SOX5: variants seen among roughly 807,000 people sequenced by gnomAD.
The protein encoded by SOX5 is transcription factor SOX-5.
Under a neutral mutation model 92.0 loss-of-function variants are expected in SOX5, and 9 were observed. The observed-to-expected ratio is 0.10, with a 90% CI of 0.06 to 0.17. SOX5 has a LOEUF of 0.17. Among genes scored for constraint, SOX5 ranks in the 10% least tolerant of loss-of-function variants. The probability of loss-of-function intolerance (pLI) is 1.00; values close to 1 mark genes in which losing one functional copy is unlikely to be tolerated. For missense variants in SOX5, 642 were observed against 944.5 expected (o/e 0.68, Z 4.20); for synonymous variants, 344 against 336.3 (o/e 1.02, Z -0.25).
chr12:24,493,571 A>T (rs1462278725), intron 1 of SOX5, among the ~76,000 whole-genome samples: 1 of 152,218 alleles, frequency 6.6e-6, no homozygotes, highest in Non-Finnish European at 1.5e-5. Context: ...TCTGAAATAA[A>T]AAGTTTGTTT....
intron 3 of SOX5, among the ~76,000 whole-genome samples, chr12:23,772,124 T>C (rs2094953552): frequency 6.6e-6 from 1 of 152,220 alleles, no homozygotes; most frequent in South Asian, 2.1e-4. Flanking sequence ...TTTTCCTAAA[T>C]ATCTACAAAT....
chr12:24,514,602 G>C (rs943755702), intron 1 of SOX5, among the ~76,000 whole-genome samples: 1 of 152,196 alleles, frequency 6.6e-6, no homozygotes, highest in Non-Finnish European at 1.5e-5. Flanking sequence ...ACACGTGCAT[G>C]TATAAGTTCA....
intron 3 of SOX5, among the ~76,000 whole-genome samples, chr12:23,840,800 T>A (rs1255058236): frequency 6.6e-6 from 1 of 152,096 alleles, no homozygotes; most frequent in Non-Finnish European, 1.5e-5. Flanking sequence ...ACAAATTGAA[T>A]GAATGCAGAC....
At chr12:23,673,761 C>T (rs1040715879) in intron 6 of SOX5, among the ~76,000 whole-genome samples, 8 of 151,728 alleles carry the variant, frequency 5.3e-5, no homozygotes, top group Non-Finnish European at 7.4e-5. Context: ...TACCAAATGT[C>T]GGGAGGGATG....
chr12:23,850,638 G>C (rs559822862), intron 2 of SOX5, among the ~76,000 whole-genome samples: 14 of 151,894 alleles, frequency 9.2e-5, no homozygotes, highest in Admixed American at 3.9e-4. Flanking sequence ...GCCAAATTAG[G>C]AGGTACCAAA....
At chr12:23,939,831 T>C (rs1027617515) in intron 1 of SOX5, among the ~76,000 whole-genome samples, 4 of 151,110 alleles carry the variant, frequency 2.6e-5, no homozygotes, top group African/African-American at 9.7e-5. Flanking sequence ...AATTGCCAAC[T>C]AGCAACTATA....
chr12:23,571,855 G>A (rs1405070734), intron 10 of SOX5, among the ~76,000 whole-genome samples: 1 of 151,940 alleles, frequency 6.6e-6, no homozygotes, highest in Admixed American at 6.6e-5. Flanking sequence ...AGATTATATG[G>A]ATATCTACTC....
intron 4 of SOX5, among the ~76,000 whole-genome samples, chr12:24,018,064 C>G (rs1592374706): frequency 6.6e-6 from 1 of 152,122 alleles, no homozygotes; most frequent in African/African-American, 2.4e-5. Flanking sequence ...TATACACATG[C>G]TCAAATCACT....
intron 3 of SOX5, among the ~76,000 whole-genome samples, chr12:23,837,099 A>T (rs1217670100): frequency 2.0e-5 from 3 of 149,162 alleles, no homozygotes; most frequent in South Asian, 2.1e-4. Flanking sequence ...GACTATTCTC[A>T]GGTCAAATCA....
At chr12:24,055,670 G>A (rs1298688432) in intron 4 of SOX5, among the ~76,000 whole-genome samples, 10 of 152,232 alleles carry the variant, frequency 6.6e-5, no homozygotes, top group African/African-American at 2.4e-4. Context: ...CAAAATAAAT[G>A]GGTGATTCAG....
intron 4 of SOX5, among the ~76,000 whole-genome samples, chr12:24,128,380 G>T (rs367752273): frequency 1.3e-5 from 2 of 152,144 alleles, no homozygotes; most frequent in Non-Finnish European, 2.9e-5. Context: ...GACAACTAGT[G>T]GGGGAGAGAG....
intron 1 of SOX5, among the ~76,000 whole-genome samples, chr12:23,926,976 T>C (rs755769689): frequency 1.3e-5 from 2 of 152,086 alleles, no homozygotes; most frequent in African/African-American, 2.4e-5. Flanking sequence ...TCACAATTCT[T>C]ATTTGTCATG....
At chr12:24,041,517 A>G (rs1956522389) in intron 4 of SOX5, among the ~76,000 whole-genome samples, 1 of 152,178 alleles carries the variant, frequency 6.6e-6, no homozygotes, top group African/African-American at 2.4e-5. Context: ...CAAATTTACA[A>G]TATAATACCA....
chr12:24,033,166 C>T (rs1207735293), intron 4 of SOX5, among the ~76,000 whole-genome samples: 2 of 151,966 alleles, frequency 1.3e-5, no homozygotes, highest in Non-Finnish European at 2.9e-5. Flanking sequence ...AGTAACTTAT[C>T]TTAATTTGTT....
chr12:24,194,153 A>G (rs576057298), intron 4 of SOX5, among the ~76,000 whole-genome samples: 1 of 152,216 alleles, frequency 6.6e-6, no homozygotes, highest in Non-Finnish European at 1.5e-5. Context: ...TACCTGTAAC[A>G]AAGTCAAATG....
chr12:23,652,669 C>T (rs1030749074), intron 7 of SOX5, among the ~76,000 whole-genome samples: 5 of 152,026 alleles, frequency 3.3e-5, no homozygotes, highest in Non-Finnish European at 7.4e-5. Flanking sequence ...ACCCAGACTA[C>T]AAATATGAAA....
At chr12:24,112,819 C>T (rs910583006) in intron 4 of SOX5, among the ~76,000 whole-genome samples, 3 of 151,948 alleles carry the variant, frequency 2.0e-5, no homozygotes, top group Non-Finnish European at 4.4e-5. Context: ...GGGTTCTAGG[C>T]ATGAGCCACC....
intron 1 of SOX5, among the ~76,000 whole-genome samples, chr12:23,899,847 G>A (rs1292363860): frequency 1.3e-5 from 2 of 152,130 alleles, no homozygotes; most frequent in African/African-American, 4.8e-5. Flanking sequence ...GGTTAAAGAA[G>A]CTTATGAGCT....
At chr12:23,894,054 T>C (rs2097154332) in intron 2 of SOX5, among the ~76,000 whole-genome samples, 1 of 152,168 alleles carries the variant, frequency 6.6e-6, no homozygotes, top group African/African-American at 2.4e-5. Flanking sequence ...AATTAGCTGA[T>C]CCGAACAAGT....
Sources: gnomAD v4.1 joint callset for allele counts (sites outside exome capture counted in the v4.1 genomes callset) on GRCh38, gnomAD v4.1.1 for gene constraint, MANE v1.5 for transcripts, NCBI Gene and HGNC (gene_info 2026-07-23, HGNC 2026-07-21) for gene names.